CSGALNACT1: variants seen among roughly 807,000 people sequenced by gnomAD.
CSGALNACT1 encodes the protein chondroitin sulfate N-acetylgalactosaminyltransferase 1.
Under a neutral mutation model 51.0 loss-of-function variants are expected in CSGALNACT1, and 52 were observed. That is an observed-to-expected ratio of 1.02 (90% CI 0.82 to 1.29). CSGALNACT1 has a LOEUF of 1.29. Among genes scored for constraint, CSGALNACT1 ranks in the 50% most tolerant of loss-of-function variants. The probability of loss-of-function intolerance (pLI) is 0.00; values close to 1 mark genes in which losing one functional copy is unlikely to be tolerated. For missense variants in CSGALNACT1, 935 were observed against 679.2 expected (o/e 1.38, Z -4.19); for synonymous variants, 341 against 254.4 (o/e 1.34, Z -3.24).
chr8:19,532,788 G>A (rs147770463), intron 3 of CSGALNACT1, among the ~76,000 whole-genome samples: 61 of 152,202 alleles, frequency 4.0e-4, no homozygotes, highest in Middle Eastern at 3.4e-3. Context: ...CAGAGAGCGA[G>A]GAGTCACCTA....
At chr8:19,660,988 T>A (rs4922079) in intron 1 of CSGALNACT1, among the ~76,000 whole-genome samples, 1 of 152,032 alleles carries the variant, frequency 6.6e-6, no homozygotes, top group African/African-American at 2.4e-5. Flanking sequence ...TCTCAGCTCA[T>A]TGCAACCTCT....
intron 4 of CSGALNACT1, among the ~76,000 whole-genome samples, chr8:19,494,033 A>T (rs895716515): frequency 6.6e-6 from 1 of 152,214 alleles, no homozygotes; most frequent in Non-Finnish European, 1.5e-5. Context: ...CCAGCTAGAA[A>T]ACAAATCTAG....
At chr8:19,453,528 CAG>C (rs1554568511) in intron 5 of CSGALNACT1, among the ~76,000 whole-genome samples, 3 of 152,062 alleles carry the variant, frequency 2.0e-5, no homozygotes, top group Non-Finnish European at 4.4e-5. Flanking sequence ...ATGAAGCAAA[CAG>C]AACTCAAAAA....
intron 4 of CSGALNACT1, among the ~76,000 whole-genome samples, chr8:19,501,303 C>A (rs1306962442): frequency 6.6e-6 from 1 of 150,552 alleles, no homozygotes; most frequent in African/African-American, 2.4e-5. Context: ...CTACACAGAA[C>A]CTCTCTTACA....
intron 1 of CSGALNACT1, among the ~76,000 whole-genome samples, chr8:19,726,274 C>G (rs2063396065): frequency 6.6e-6 from 1 of 151,696 alleles, no homozygotes; most frequent in South Asian, 2.1e-4. Context: ...TGAAATAGCC[C>G]TATGGTTCTA....
chr8:19,417,096 C>G (rs941377833), intron 8 of CSGALNACT1, among the ~76,000 whole-genome samples: 5 of 152,054 alleles, frequency 3.3e-5, no homozygotes, highest in African/African-American at 7.2e-5. Flanking sequence ...CTCAAGTGAT[C>G]TGCCCATCTC....
chr8:19,637,019 G>A (rs1214067166), intron 1 of CSGALNACT1, among the ~76,000 whole-genome samples: 1 of 146,104 alleles, frequency 6.8e-6, no homozygotes, highest in Non-Finnish European at 1.5e-5. Flanking sequence ...GAGAAACCCT[G>A]TTCTCTACTA....
chr8:19,606,939 AG>A (rs1448045035), upstream of CSGALNACT1, among the ~76,000 whole-genome samples: 1 of 152,060 alleles, frequency 6.6e-6, no homozygotes, highest in Non-Finnish European at 1.5e-5. Context: ...GTGGATCACA[AG>A]GTCAGGAGAT....
intron 1 of CSGALNACT1, among the ~76,000 whole-genome samples, chr8:19,663,813 T>A (rs994902953): frequency 6.6e-6 from 1 of 152,266 alleles, no homozygotes; most frequent in Non-Finnish European, 1.5e-5. Context: ...AAGAGCCAGA[T>A]AGATAATGCA....
intron 3 of CSGALNACT1, among the ~76,000 whole-genome samples, chr8:19,564,795 T>C (rs755823127): frequency 6.6e-6 from 1 of 152,266 alleles, no homozygotes; most frequent in Non-Finnish European, 1.5e-5. Context: ...TGTGGTTTTT[T>C]AATTGGCTAC....
intron 3 of CSGALNACT1, among the ~76,000 whole-genome samples, chr8:19,519,829 A>G (rs1338725369): frequency 6.6e-6 from 1 of 152,164 alleles, no homozygotes; most frequent in Non-Finnish European, 1.5e-5. Context: ...AATCCTTGGC[A>G]CCAGCCAGCA....
At chr8:19,505,611 A>T (rs770782604) in exon 4 of CSGALNACT1, 1 of 1,614,114 alleles carries the variant, frequency 6.2e-7, no homozygotes, top group Non-Finnish European at 8.5e-7. Flanking sequence ...CTGCCGCTTC[A>T]GGCTGCTCAC....
intron 4 of CSGALNACT1, among the ~76,000 whole-genome samples, chr8:19,469,016 A>G (rs1319408630): frequency 1.3e-5 from 2 of 152,138 alleles, no homozygotes; most frequent in African/African-American, 4.8e-5. Flanking sequence ...AGACAGCAGC[A>G]TCAAGGAACC....
intron 5 of CSGALNACT1, among the ~76,000 whole-genome samples, chr8:19,452,308 C>T (rs901076886): frequency 6.6e-6 from 1 of 151,834 alleles, no homozygotes; most frequent in Non-Finnish European, 1.5e-5. Flanking sequence ...GACCTTGGCA[C>T]CAGCAGCAGG....
chr8:19,588,667 G>A (rs1054384684), intron 3 of CSGALNACT1, among the ~76,000 whole-genome samples: 1 of 152,138 alleles, frequency 6.6e-6, no homozygotes, highest in African/African-American at 2.4e-5. Context: ...CTAGATCTAG[G>A]AATCCAAATA....
chr8:19,515,237 C>T (rs946611359), intron 3 of CSGALNACT1, among the ~76,000 whole-genome samples: 1 of 152,200 alleles, frequency 6.6e-6, no homozygotes, highest in Non-Finnish European at 1.5e-5. Flanking sequence ...TCAGCACCTG[C>T]TGTCAGGCCA....
chr8:19,737,061 T>C (rs1467669578), intron 1 of CSGALNACT1, among the ~76,000 whole-genome samples: 4 of 152,124 alleles, frequency 2.6e-5, no homozygotes, highest in Admixed American at 1.3e-4. Flanking sequence ...AATTTAAAAC[T>C]GACTTCTCAA....
chr8:19,505,357 C>G (rs761841572), exon 4 of CSGALNACT1: 1 of 1,614,232 alleles, frequency 6.2e-7, no homozygotes, highest in South Asian at 1.1e-5. Context: ...AGGCCAGTCT[C>G]CAGCTGGTAC....
chr8:19,493,948 A>C (rs2074950046), intron 4 of CSGALNACT1, among the ~76,000 whole-genome samples: 1 of 151,826 alleles, frequency 6.6e-6, no homozygotes, highest in Non-Finnish European at 1.5e-5. Flanking sequence ...CTCTGTGTTT[A>C]ACATTTTGAG....
Sources: allele counts gnomAD v4.1 joint callset (sites outside exome capture counted in the v4.1 genomes callset), GRCh38; gene constraint gnomAD v4.1.1; transcripts MANE v1.5; gene names NCBI Gene and HGNC (gene_info 2026-07-23, HGNC 2026-07-21).